ELOVL5: variants seen among roughly 807,000 people sequenced by gnomAD.
The protein encoded by ELOVL5 is ELOVL fatty acid elongase 5.
A neutral mutation model predicts 38.6 loss-of-function variants in ELOVL5; 8 were observed. That is an observed-to-expected ratio of 0.21 (90% CI 0.12 to 0.37). ELOVL5 has a LOEUF of 0.37. ELOVL5 is among the 10% of genes least tolerant of loss of function. ELOVL5 has a pLI of 1.00. For missense variants in ELOVL5, 280 were observed against 367.8 expected (o/e 0.76, Z 1.95); for synonymous variants, 127 against 133.7 (o/e 0.95, Z 0.34).
At chr6:53,344,702 G>A (rs1315013489) in intron 1 of ELOVL5, among the ~76,000 whole-genome samples, 2 of 152,144 alleles carry the variant, frequency 1.3e-5, no homozygotes, top group African/African-American at 4.8e-5. Flanking sequence ...AGCTCAGTAA[G>A]AGTTAGCCAT....
intron 1 of ELOVL5, among the ~76,000 whole-genome samples, chr6:53,330,457 T>C (rs1192206675): frequency 2.0e-5 from 3 of 151,810 alleles, no homozygotes; most frequent in Non-Finnish European, 4.4e-5. Context: ...TATTTTAAAA[T>C]TTTTTCTTCC....
intron 1 of ELOVL5, among the ~76,000 whole-genome samples, chr6:53,327,056 C>CT (rs370499850): frequency 6.6e-6 from 1 of 152,302 alleles, no homozygotes; most frequent in African/African-American, 2.4e-5. Flanking sequence ...CATGCATTCT[C>CT]TAACTTAGGA....
chr6:53,285,537 A>G (rs1322736716), intron 3 of ELOVL5, among the ~76,000 whole-genome samples: 1 of 148,090 alleles, frequency 6.8e-6, no homozygotes, highest in African/African-American at 2.6e-5. Context: ...GATTTAACTA[A>G]GATCACTGAC....
At chr6:53,306,036 C>T (rs931894464) in intron 1 of ELOVL5, among the ~76,000 whole-genome samples, 4 of 151,386 alleles carry the variant, frequency 2.6e-5, no homozygotes, top group Admixed American at 2.6e-4. Flanking sequence ...ACCCCGTCTC[C>T]ACCAAAAAAA....
At chr6:53,286,051 AT>A (rs1400170988) in intron 3 of ELOVL5, among the ~76,000 whole-genome samples, 2 of 152,212 alleles carry the variant, frequency 1.3e-5, no homozygotes, top group African/African-American at 4.8e-5. Flanking sequence ...TACTCATTTT[AT>A]TGCAGTGATC....
At chr6:53,321,399 C>T (rs1203693481) in intron 1 of ELOVL5, among the ~76,000 whole-genome samples, 1 of 152,164 alleles carries the variant, frequency 6.6e-6, no homozygotes, top group East Asian at 1.9e-4. Flanking sequence ...TATATAAACA[C>T]TTTTACGTAT....
chr6:53,307,598 G>A (rs1258092142), intron 1 of ELOVL5, among the ~76,000 whole-genome samples: 1 of 152,200 alleles, frequency 6.6e-6, no homozygotes, highest in African/African-American at 2.4e-5. Context: ...CCATGGCAGT[G>A]AAACATGCTC....
At chr6:53,305,969 A>G (rs1767520234) in intron 1 of ELOVL5, among the ~76,000 whole-genome samples, 2 of 151,952 alleles carry the variant, frequency 1.3e-5, no homozygotes, top group Admixed American at 6.5e-5. Context: ...CGGGATGCCG[A>G]GGCTGGCGGA....
intron 2 of ELOVL5, among the ~76,000 whole-genome samples, chr6:53,292,223 C>A (rs1378149901): frequency 1.3e-5 from 2 of 152,160 alleles, no homozygotes; most frequent in African/African-American, 4.8e-5. Context: ...TTCCAAAGAA[C>A]TTAAGAAGAA....
intron 4 of ELOVL5, among the ~76,000 whole-genome samples, chr6:53,275,664 C>T (rs1766083719): frequency 6.6e-6 from 1 of 152,098 alleles, no homozygotes; most frequent in Admixed American, 6.5e-5. Context: ...ATGGAGCAGC[C>T]GACCTGATAA....
intron 5 of ELOVL5, among the ~76,000 whole-genome samples, chr6:53,274,854 C>T (rs1766053144): frequency 6.6e-6 from 1 of 152,166 alleles, no homozygotes; most frequent in Non-Finnish European, 1.5e-5. Context: ...GTACCTATTC[C>T]TTAATATGTC....
intron 3 of ELOVL5, among the ~76,000 whole-genome samples, chr6:53,281,811 C>A (rs541070074): frequency 7.4e-6 from 1 of 135,498 alleles, no homozygotes; most frequent in Admixed American, 7.6e-5. Context: ...ACACCCATGA[C>A]CTCCACAGGT....
At chr6:53,296,604 G>A (rs1767011007) in intron 1 of ELOVL5, among the ~76,000 whole-genome samples, 2 of 151,938 alleles carry the variant, frequency 1.3e-5, no homozygotes, top group Admixed American at 1.3e-4. Context: ...ATTATATATA[G>A]AAGTGTGTAT....
intron 1 of ELOVL5, among the ~76,000 whole-genome samples, chr6:53,330,954 A>C (rs1462012998): frequency 6.6e-6 from 1 of 152,136 alleles, no homozygotes; most frequent in African/African-American, 2.4e-5. Flanking sequence ...ATGTGATAAC[A>C]ATGTTTTCTT....
intron 1 of ELOVL5, among the ~76,000 whole-genome samples, chr6:53,308,358 G>A (rs1007031219): frequency 2.6e-5 from 4 of 152,116 alleles, no homozygotes; most frequent in African/African-American, 4.8e-5. Context: ...TAGGCTCTAA[G>A]CTCTTCAACG....
At chr6:53,339,063 A>G (rs998881988) in intron 1 of ELOVL5, among the ~76,000 whole-genome samples, 1 of 152,244 alleles carries the variant, frequency 6.6e-6, no homozygotes, top group Non-Finnish European at 1.5e-5. Context: ...CCCACATTTT[A>G]TAACTGTTGT....
At chr6:53,338,399 A>C (rs1769176155) in intron 1 of ELOVL5, among the ~76,000 whole-genome samples, 1 of 152,194 alleles carries the variant, frequency 6.6e-6, no homozygotes. Flanking sequence ...AAAGGAAGAA[A>C]AGGCAGCTGC....
intron 1 of ELOVL5, among the ~76,000 whole-genome samples, chr6:53,309,843 G>C (rs1198950219): frequency 6.6e-6 from 1 of 152,230 alleles, no homozygotes. Flanking sequence ...CTCAGAAGCA[G>C]ATCTTCTGGC....
chr6:53,331,772 A>G (rs988851005), intron 1 of ELOVL5, among the ~76,000 whole-genome samples: 3 of 152,220 alleles, frequency 2.0e-5, no homozygotes. Flanking sequence ...TAAATCTTAC[A>G]CTAAATATAT....
Sources: allele counts gnomAD v4.1 joint callset (sites outside exome capture counted in the v4.1 genomes callset), GRCh38; gene constraint gnomAD v4.1.1; transcripts MANE v1.5; gene names NCBI Gene and HGNC (gene_info 2026-07-23, HGNC 2026-07-21).